Variants in RBM33 observed in about 807,000 individuals in gnomAD.
The protein encoded by RBM33 is RNA-binding protein 33.
RBM33 carries 28 observed loss-of-function variants against 132.6 expected under a neutral mutation model. That is an observed-to-expected ratio of 0.21 (90% confidence interval 0.16 to 0.29). RBM33 has a LOEUF of 0.29. Ranked by LOEUF, RBM33 falls within the 10% of genes least tolerant of loss-of-function variation. The pLI is 1.00. For synonymous variants in RBM33, 634 were observed against 593.0 expected (o/e 1.07, Z -1.01); for missense variants, 1,291 against 1,518.5 (o/e 0.85, Z 2.49).
chr7:155,660,075 T>G (rs1798599449), intron 1 of RBM33, among the ~76,000 whole-genome samples: 1 of 152,230 alleles, frequency 6.6e-6, no homozygotes, highest in Admixed American at 6.5e-5. Flanking sequence ...TGTAAATAGC[T>G]TTTTCAGTTT....
chr7:155,741,794 A>G, intron 12 of RBM33, 25 bp from the exon 13 acceptor site: 1 of 1,587,660 alleles, frequency 6.3e-7, no homozygotes, highest in Non-Finnish European at 8.6e-7. Context: ...ACTTACAATT[A>G]GAATCTCTTT....
intron 9 of RBM33, among the ~76,000 whole-genome samples, chr7:155,718,977 ACACT>A (rs1248949623): frequency 6.6e-6 from 1 of 152,238 alleles, no homozygotes; most frequent in East Asian, 1.9e-4. Context: ...TCACACACAC[ACACT>A]GTCATTCACT....
At chr7:155,719,108 C>T (rs905982980) in intron 9 of RBM33, among the ~76,000 whole-genome samples, 2 of 152,044 alleles carry the variant, frequency 1.3e-5, no homozygotes, top group Non-Finnish European at 2.9e-5. Context: ...TAAATATATA[C>T]ACTTTATTTT....
chr7:155,661,146 A>ATATATATATATATTTT (rs1421586760), intron 1 of RBM33, among the ~76,000 whole-genome samples: 1 of 81,182 alleles, frequency 1.2e-5, no homozygotes, highest in Admixed American at 1.4e-4. Flanking sequence ...ATATATATAT[A>ATATATATATATATTTT]TTTTTTTTTT....
intron 9 of RBM33, among the ~76,000 whole-genome samples, chr7:155,726,618 A>T (rs1174142060): frequency 6.6e-6 from 1 of 152,206 alleles, no homozygotes; most frequent in Non-Finnish European, 1.5e-5. Flanking sequence ...CTGTTAAGTG[A>T]GGTATTCACA....
At chr7:155,724,508 A>G (rs181090627) in intron 9 of RBM33, among the ~76,000 whole-genome samples, 94 of 152,338 alleles carry the variant, frequency 6.2e-4, no homozygotes, top group African/African-American at 2.2e-3. Flanking sequence ...AGCCTGGGCG[A>G]TGGAGCGAGA....
rs911804932 is a variant in RBM33, at chr7:155,780,788, T to TCAC, written c.*5749_*5751dup. 5 of 152,324 alleles carry TCAC rather than the reference T, an allele frequency of 3.3e-5. No homozygotes were observed. The highest frequency in any genetic ancestry group is 1.2e-4 in the African/African-American group (5 of 41,424). The allele number at this position is 152,324 out of a possible 1,614,324, so 9.4% of individuals were successfully genotyped here. On this transcript the variant is annotated 3_prime_UTR_variant, in exon 18 of 18. Transcript: ENST00000401878. ...TTTTCACACTGTGTTTACCACTCCATCACCTCTCAACCTTTGCTTCGACAG... is the reference window on the plus strand; with the variant it reads ...TTTTCACACTGTGTTTACCACTCCATCACCACCTCTCAACCTTTGCTTCGACAG...
intron 5 of RBM33, among the ~76,000 whole-genome samples, chr7:155,693,967 C>T (rs1049667623): frequency 1.3e-5 from 2 of 152,056 alleles, no homozygotes; most frequent in African/African-American, 4.8e-5. Flanking sequence ...TTGGTGTCTT[C>T]CTAGTTCCTG....
intron 6 of RBM33, 171 bp from the exon 7 acceptor site, chr7:155,706,689 G>T (rs1176610633): frequency 2.4e-5 from 14 of 590,250 alleles, no homozygotes; most frequent in Non-Finnish European, 3.6e-5. Context: ...CTAGTGGGTT[G>T]TGTGTGTTGC....
At chr7:155,703,547 A>G (rs987809428) in intron 6 of RBM33, among the ~76,000 whole-genome samples, 1 of 152,238 alleles carries the variant, frequency 6.6e-6, no homozygotes, top group Non-Finnish European at 1.5e-5. Context: ...ATTACTTAAG[A>G]AAGCTTGGTG....
Position 155,655,534 on chromosome 7 carries a change from C to CTTTTTTTTT in RBM33, c.44-9624_44-9616dup, listed in dbSNP as rs756948005. The stretch of plus-strand genomic sequence containing the variant: ...TCATAACGGTATTAAGGCTGTTTGC[C>CTTTTTTTTT]TTTTTTTTTTTTTTTTTTTTTTTTT... On this transcript the variant is annotated intron_variant, in intron 1 of 17. Transcript: ENST00000401878. Among the ~76,000 whole-genome samples, 14 of 80,112 alleles carry CTTTTTTTTT rather than the reference C, an allele frequency of 1.7e-4. 1 individual carries two copies. The highest frequency in any genetic ancestry group is 4.3e-4 in the East Asian group (1 of 2,302). The allele number at this position is 80,112 out of a possible 152,430, so 52.6% of individuals were successfully genotyped here.
chr7:155,757,230 C>T (rs1801880370), intron 14 of RBM33, among the ~76,000 whole-genome samples: 1 of 152,088 alleles, frequency 6.6e-6, no homozygotes, highest in South Asian at 2.1e-4. Flanking sequence ...CGCTCCTGGC[C>T]ACAACCTAGG....
intron 5 of RBM33, among the ~76,000 whole-genome samples, chr7:155,697,410 TGCA>T (rs1367928194): frequency 6.6e-6 from 1 of 151,492 alleles, no homozygotes; most frequent in African/African-American, 2.4e-5. Flanking sequence ...TTCTAATTTT[TGCA>T]CAGTTTGCTT....
intron 5 of RBM33, among the ~76,000 whole-genome samples, chr7:155,699,043 C>G (rs1227906884): frequency 6.6e-6 from 1 of 152,088 alleles, no homozygotes; most frequent in Non-Finnish European, 1.5e-5. Flanking sequence ...CATCTTTATC[C>G]TCTTTAGATT....
intron 1 of RBM33, among the ~76,000 whole-genome samples, chr7:155,646,288 T>C (rs1470167947): frequency 6.6e-6 from 1 of 152,268 alleles, no homozygotes; most frequent in African/African-American, 2.4e-5. Flanking sequence ...ATTTTAAATT[T>C]CTAAAATAGT....
intron 15 of RBM33, among the ~76,000 whole-genome samples, chr7:155,765,525 A>G (rs1015166455): frequency 1.3e-5 from 2 of 151,952 alleles, no homozygotes; most frequent in African/African-American, 4.8e-5. Flanking sequence ...TCCAGTTTCC[A>G]CCTAACTTTC....
Position 155,716,316 on chromosome 7 carries a change from G to GTTTTTTTTTTTTTTTTTTTTTT in RBM33, c.1202-2053_1202-2052insTTTTTTTTTTTTTTTTTTTTTT, listed in dbSNP as rs59289310. ...TGTCAGCTGTTTTTCCTTTTCTGCTGTTTTTTTTTTTTTTTTAAATAGGGA... is the reference window on the plus strand; with the variant it reads ...TGTCAGCTGTTTTTCCTTTTCTGCTGTTTTTTTTTTTTTTTTTTTTTTTTTTTTTTTTTTTTTTAAATAGGGA... On this transcript the variant is annotated intron_variant, in intron 8 of 17. Transcript: ENST00000401878. 2.3e-3 allele frequency among the ~76,000 whole-genome samples: 239 copies of GTTTTTTTTTTTTTTTTTTTTTT among 102,288 alleles called. 27 individuals carry two copies. The highest frequency in any genetic ancestry group is 3.3e-3 in the Non-Finnish European group (170 of 52,070). The allele number at this position is 102,288 out of a possible 152,430, so 67.1% of individuals were successfully genotyped here.
chr7:155,687,944 G>A (rs1271873977), intron 5 of RBM33, among the ~76,000 whole-genome samples: 1 of 152,180 alleles, frequency 6.6e-6, no homozygotes, highest in African/African-American at 2.4e-5. Flanking sequence ...GCTTAGGATT[G>A]TCTTGGCAAT....
Position 155,763,827 on chromosome 7 carries a change from G to A in RBM33, c.2995G>A (p.Gly999Ser), listed in dbSNP as rs1280341895. ...GTTTCAGCAGGGAGGAGAGAGCGAT[G>A]GCTTTTTTCACCCAGAAGGCCAGCC... is the stretch of plus-strand genomic sequence containing the variant. ...KLSGGGGESD[G>S]FFHPEGQPQR... Residue 999 changes from glycine to serine, a missense_variant, in exon 15 of 18, where the codon GGC (glycine) becomes AGC (serine). Coordinates refer to ENST00000401878, the MANE Select transcript of RBM33 (RefSeq NM_053043.3). The A allele has an allele frequency of 1.9e-6, 3 of 1,610,844 alleles. No homozygotes were observed. Among genetic ancestry groups the A allele is most frequent in the Admixed American group, 3.4e-5 (2 of 59,590 alleles).
Sources: allele counts gnomAD v4.1 joint callset (sites outside exome capture counted in the v4.1 genomes callset), GRCh38; gene constraint gnomAD v4.1.1; transcripts MANE v1.5; gene names NCBI Gene and HGNC (gene_info 2026-07-23, HGNC 2026-07-21).